The following WIZ variants were observed in gnomAD, a reference collection of about 807,000 sequenced individuals.
WIZ encodes the protein WIZ zinc finger.
WIZ carries 25 observed loss-of-function variants against 140.2 expected under a neutral mutation model. The ratio of observed to expected loss-of-function variants is 0.18; its 90% CI spans 0.13 to 0.25. The LOEUF (loss-of-function observed/expected upper bound fraction) is 0.25. Among genes scored for constraint, WIZ ranks in the 10% least tolerant of loss-of-function variants. The pLI, the probability that WIZ is intolerant of heterozygous loss-of-function variation, is 1.00. For missense variants in WIZ, 2,231 were observed against 2,632.6 expected, an observed-to-expected ratio of 0.85 and a Z score of 3.34; for synonymous variants, 1,125 against 1,154.3, an observed-to-expected ratio of 0.97 and a Z score of 0.51.
chr19:15,431,795 G>A (rs914150487), intron 5 of WIZ, among the ~76,000 whole-genome samples: 1 of 152,234 alleles, frequency 6.6e-6, no homozygotes, highest in African/African-American at 2.4e-5. Flanking sequence ...TGGAATCACA[G>A]AACTTTGTGT....
chr19:15,438,609 G>A lies in WIZ; in HGVS notation c.2385C>T (p.Arg795=), dbSNP rs754957156. 2.0e-6 allele frequency: 3 copies of A among 1,517,198 alleles called. No homozygotes were observed. Among genetic ancestry groups the A allele is most frequent in the African/African-American group, 1.4e-5 (1 of 72,642 alleles). 94.0% of individuals were successfully genotyped at this position (1,517,198 alleles called of 1,614,324 possible). A position where few individuals can be genotyped will look rare whatever the true frequency, so the allele number is the denominator to read the frequency against. Residue 795 remains arginine (R), a synonymous_variant, in exon 4 of 13, where the codon CGC becomes CGT. Transcript: ENST00000673675. ...ISAEEVKAIE[R]RFSFQKKKKK... ...TCTTCTTCTTCTGGAAGGAGAACCTGCGCTCAATGGCCTTCACCTCCTCAG... is the reference window on the plus strand; with the variant it reads ...TCTTCTTCTTCTGGAAGGAGAACCTACGCTCAATGGCCTTCACCTCCTCAG...
In WIZ at chr19:15,421,627, C is replaced by T. The variant is rs1436756966; in HGVS notation, c.*1449G>A. On this transcript the variant is annotated 3_prime_UTR_variant, in exon 13 of 13. Transcript: ENST00000673675. ...AGGAGCCAGTGGCTCCTCTTTTCCC[C>T]GCATGTTCCTTGGGTCAGGGGTGCA... is the stretch of plus-strand genomic sequence containing the variant. 6.6e-6 allele frequency: 1 copy of T among 152,204 alleles called. No homozygotes were observed. The highest frequency in any genetic ancestry group is 1.5e-5 in the Non-Finnish European group (1 of 68,040). The allele number at this position is 152,204 out of a possible 1,614,324, so 9.4% of individuals were successfully genotyped here.
intron 7 of WIZ, among the ~76,000 whole-genome samples, chr19:15,429,187 T>A (rs1031659982): frequency 6.6e-6 from 1 of 152,026 alleles, no homozygotes; most frequent in Non-Finnish European, 1.5e-5. Context: ...GCACCTCCCA[T>A]CAGGTGATCC....
Position 15,422,939 on chromosome 19 carries a change from G to T in WIZ, c.*137C>A. 1.5e-6 allele frequency: 2 copies of T among 1,339,800 alleles called. No individual in the cohort carries two copies. Among genetic ancestry groups the T allele is most frequent in the Non-Finnish European group, 9.9e-7 (1 of 1,008,648 alleles). 83.0% of individuals were successfully genotyped at this position (1,339,800 alleles called of 1,614,324 possible). A position where few individuals can be genotyped will look rare whatever the true frequency, so the allele number is the denominator to read the frequency against. On this transcript the variant is annotated 3_prime_UTR_variant, in exon 13 of 13. Coordinates refer to ENST00000673675, the MANE Select transcript of WIZ (RefSeq NM_001371589.1). ...CCGGCGCCCTGGCTGTAGTGTGCCC[G>T]GCCCCCAAGGGGCGCCGGTTTGAGG...
intron 5 of WIZ, among the ~76,000 whole-genome samples, chr19:15,435,860 C>T (rs979406424): frequency 3.3e-5 from 5 of 152,116 alleles, no homozygotes; most frequent in South Asian, 2.1e-4. Context: ...CAGTAGCTCA[C>T]GCCTGTAATC....
chr19:15,438,610 C>T lies in WIZ; in HGVS notation c.2384G>A (p.Arg795His), dbSNP rs767969273. Residue 795 changes from arginine to histidine, a missense_variant, in exon 4 of 13, where the codon CGC (arginine) becomes CAC (histidine). Coordinates refer to ENST00000673675, the MANE Select transcript of WIZ (RefSeq NM_001371589.1). ...CTTCTTCTTCTGGAAGGAGAACCTG[C>T]GCTCAATGGCCTTCACCTCCTCAGC... ...ISAEEVKAIE[R>H]RFSFQKKKKK... 3.6e-5 allele frequency: 54 copies of T among 1,517,062 alleles called. No homozygotes were observed. The highest frequency in any genetic ancestry group is 4.4e-5 in the Non-Finnish European group (50 of 1,132,010). The allele number at this position is 1,517,062 out of a possible 1,614,324, so 94.0% of individuals were successfully genotyped here.
At position 15,420,416 on chromosome 19, in the gene WIZ, C is replaced by T. The variant is rs957352674; in HGVS notation, c.*2660G>A. 2.0e-5 allele frequency: 3 copies of T among 152,206 alleles called. No homozygotes were observed. Among genetic ancestry groups the T allele is most frequent in the Non-Finnish European group, 4.4e-5 (3 of 68,036 alleles). The allele number at this position is 152,206 out of a possible 1,614,324, so 9.4% of individuals were successfully genotyped here. ...ATCTGACGGATAAGCACTCTGGCTTCGGGGTTCATCTCCCCATCAGCCTCA... is the reference window on the plus strand; with the variant it reads ...ATCTGACGGATAAGCACTCTGGCTTTGGGGTTCATCTCCCCATCAGCCTCA... On this transcript the variant is annotated 3_prime_UTR_variant, in exon 13 of 13. Coordinates refer to ENST00000673675, the MANE Select transcript of WIZ (RefSeq NM_001371589.1).
chr19:15,448,385 G>T lies in WIZ; in HGVS notation c.-60-18C>A. 6.4e-7 allele frequency: 1 copy of T among 1,552,250 alleles called. No homozygotes were observed. The highest frequency in any genetic ancestry group is 1.1e-5 in the South Asian group (1 of 88,352). ...TTGTGGGCCTGGGGATAGAGAGAAGGAAGTGCTTAGGGGATGGAGGAAAGG... is the reference window on the plus strand; with the variant it reads ...TTGTGGGCCTGGGGATAGAGAGAAGTAAGTGCTTAGGGGATGGAGGAAAGG... On this transcript the variant is annotated intron_variant, in intron 1 of 12. Coordinates refer to ENST00000673675, the MANE Select transcript of WIZ (RefSeq NM_001371589.1).
At chr19:15,444,479 AG>A (rs1969849412) in intron 2 of WIZ, among the ~76,000 whole-genome samples, 2 of 152,146 alleles carry the variant, frequency 1.3e-5, no homozygotes, top group African/African-American at 4.8e-5. Context: ...CAGAATGGTG[AG>A]CAGCATCCTT....
chr19:15,445,109 C>T (rs943996227), intron 2 of WIZ, among the ~76,000 whole-genome samples: 10 of 152,344 alleles, frequency 6.6e-5, no homozygotes, highest in Admixed American at 1.3e-4. Context: ...TCAGATGAGG[C>T]GCTAGGTCGC....
chr19:15,447,063 G>A (rs1425097885), intron 2 of WIZ, among the ~76,000 whole-genome samples: 2 of 152,180 alleles, frequency 1.3e-5, no homozygotes, highest in Admixed American at 6.5e-5. Flanking sequence ...TCTCTGACAC[G>A]GGATAATAAT....
chr19:15,447,674 C>T (rs1969966561), intron 2 of WIZ, among the ~76,000 whole-genome samples: 1 of 152,186 alleles, frequency 6.6e-6, no homozygotes, highest in African/African-American at 2.4e-5. Flanking sequence ...TCTCCCTAGC[C>T]ACTACAGAAG....
chr19:15,437,964 T>C (rs575569020), intron 4 of WIZ, among the ~76,000 whole-genome samples: 1 of 152,170 alleles, frequency 6.6e-6, no homozygotes, highest in African/African-American at 2.4e-5. Flanking sequence ...TTCCTGGTTG[T>C]CACCCCTTGC....
At chr19:15,426,916 C>T in intron 9 of WIZ, 66 bp downstream of exon 9, 1 of 1,540,560 alleles carries the variant, frequency 6.5e-7, no homozygotes, top group South Asian at 1.3e-5. Context: ...CTGGATACCC[C>T]CAAGGGGAGG....
intron 9 of WIZ, among the ~76,000 whole-genome samples, chr19:15,426,247 C>T (rs1401358619): frequency 6.6e-6 from 1 of 152,076 alleles, no homozygotes; most frequent in African/African-American, 2.4e-5. Flanking sequence ...GCATGGGGCA[C>T]AGAGCTGGTA....
In WIZ at chr19:15,425,782, A is replaced by G. The variant is rs1659158430; in HGVS notation, c.4367-14T>C. On this transcript the variant is annotated splice_polypyrimidine_tract_variant and intron_variant, in intron 9 of 12. Coordinates refer to ENST00000673675, the MANE Select transcript of WIZ (RefSeq NM_001371589.1). ...CTGCCCGGGACGCTGCAGGGGATCC[A>G]GGGTAGGGGGAAGGAGGAGGAGGAG... The G allele has an allele frequency of 1.6e-6, 2 of 1,246,830 alleles. No individual in the cohort carries two copies. Among genetic ancestry groups the G allele is most frequent in the African/African-American group, 1.7e-5 (1 of 58,962 alleles). 77.2% of individuals were successfully genotyped at this position (1,246,830 alleles called of 1,614,324 possible). A position where few individuals can be genotyped will look rare whatever the true frequency, so the allele number is the denominator to read the frequency against.
intron 1 of WIZ, among the ~76,000 whole-genome samples, chr19:15,449,178 C>T (rs1229766278): frequency 6.6e-6 from 1 of 152,104 alleles, no homozygotes; most frequent in Non-Finnish European, 1.5e-5. Flanking sequence ...TTCAAGGTAA[C>T]GGCGGAAAGT....
intron 2 of WIZ, among the ~76,000 whole-genome samples, chr19:15,443,968 G>T (rs1042588899): frequency 6.6e-6 from 1 of 152,100 alleles, no homozygotes; most frequent in Non-Finnish European, 1.5e-5. Context: ...TGCCTGGAGC[G>T]ACCACAGGAA....
In WIZ at chr19:15,442,598, C is replaced by T; in HGVS notation, c.278+78G>A. On this transcript the variant is annotated intron_variant, in intron 3 of 12. Transcript: ENST00000673675. This position sits in a 1 kb window ranked among gnomAD's most constrained non-coding sequence, Gnocchi z 5.5. ...TCCCTCCTGTCCCCTTCTCATTCCC[C>T]AGGGGCTTATCTGAGGCCTGGGCAT... 2 of 1,092,518 alleles carry T rather than the reference C, an allele frequency of 1.8e-6. No individual in the cohort carries two copies. The highest frequency in any genetic ancestry group is 2.3e-6 in the Non-Finnish European group (2 of 860,810). The allele number at this position is 1,092,518 out of a possible 1,614,324, so 67.7% of individuals were successfully genotyped here.
Sources: allele counts gnomAD v4.1 joint callset (sites outside exome capture counted in the v4.1 genomes callset), GRCh38; gene constraint gnomAD v4.1.1; non-coding constraint Gnocchi (gnomAD v3.1); transcripts MANE v1.5; gene names NCBI Gene and HGNC (gene_info 2026-07-23, HGNC 2026-07-21).